Variants in MYO9A observed in about 807,000 individuals in gnomAD.
MYO9A encodes myosin IXA, also known as unconventional myosin-IXa.
MYO9A carries 103 observed loss-of-function variants against 293.3 expected under a neutral mutation model. The ratio of observed to expected loss-of-function variants is 0.35; its 90% CI spans 0.30 to 0.41. The LOEUF is 0.41. Ranked by LOEUF, MYO9A falls within the 10% of genes least tolerant of loss-of-function variation. MYO9A has a pLI of 1.00. For synonymous variants in MYO9A, 1,001 were observed against 1,035.7 expected, an observed-to-expected ratio of 0.97 and a Z score of 0.64; for missense variants, 2,685 against 3,033.0, an observed-to-expected ratio of 0.89 and a Z score of 2.69.
intron 1 of MYO9A, among the ~76,000 whole-genome samples, chr15:72,075,532 A>C (rs1010139014): frequency 3.3e-5 from 5 of 152,070 alleles, no homozygotes; most frequent in Non-Finnish European, 7.4e-5. Context: ...GAAATTCTCA[A>C]GTAAAAAATA....
intron 32 of MYO9A, among the ~76,000 whole-genome samples, chr15:71,869,009 G>A (rs1175339250): frequency 1.3e-5 from 2 of 152,020 alleles, no homozygotes; most frequent in Admixed American, 1.3e-4. Context: ...TAAATAAAAA[G>A]GGAATGCTTG....
chr15:71,925,259 A>T (rs12148076), intron 18 of MYO9A, among the ~76,000 whole-genome samples: 66 of 137,144 alleles, frequency 4.8e-4, no homozygotes, highest in African/African-American at 1.7e-3. Context: ...ACGTATACAC[A>T]TATATACATA....
At chr15:71,830,384 C>G in intron 39 of MYO9A, 73 bp from the exon 40 acceptor site, 1 of 1,399,458 alleles carries the variant, frequency 7.1e-7, no homozygotes, top group South Asian at 1.2e-5. Context: ...TTTAGGATAA[C>G]AAGTGTATTT....
chr15:71,837,541 C>G (rs1431933341), intron 39 of MYO9A, among the ~76,000 whole-genome samples: 2 of 152,026 alleles, frequency 1.3e-5, no homozygotes, highest in East Asian at 3.9e-4. Context: ...TTCCAGTATT[C>G]AATAAAAGAG....
At chr15:71,917,825 AC>A (rs1239027049) in intron 18 of MYO9A, among the ~76,000 whole-genome samples, 2 of 152,188 alleles carry the variant, frequency 1.3e-5, no homozygotes, top group African/African-American at 4.8e-5. Flanking sequence ...TGTGTTAAAA[AC>A]ATGACAAATT....
At position 72,045,726 on chromosome 15, in the gene MYO9A, C is replaced by T; in HGVS notation, c.838G>A (p.Glu280Lys). Residue 280 changes from glutamate to lysine, a missense_variant and splice_region_variant, in exon 2 of 42, where the codon GAG becomes AAG. By Grantham distance (56) the Glu-to-Lys change is moderately conservative (BLOSUM62 1). Transcript: ENST00000356056. Reference protein sequence around the residue: ...QIILGAGPVLEAFGNAKTAHN... With the variant: ...QIILGAGPVLKAFGNAKTAHN... ...AAATAAGATTTCTATATATTTACCT[C>T]AAGTACTGGTCCAGCTCCAAGAATA... The T allele has an allele frequency of 6.3e-7, 1 of 1,580,036 alleles. No individual in the cohort carries two copies. The highest frequency in any genetic ancestry group is 8.6e-7 in the Non-Finnish European group (1 of 1,167,114).
chr15:72,077,719 G>GCA (rs2079400210), intron 1 of MYO9A, among the ~76,000 whole-genome samples: 1 of 120,642 alleles, frequency 8.3e-6, no homozygotes, highest in Non-Finnish European at 1.6e-5. Context: ...AACAGAGTGA[G>GCA]ACTCTGTCTC....
chr15:72,053,224 A>T (rs1344081145), intron 1 of MYO9A, among the ~76,000 whole-genome samples: 1 of 151,908 alleles, frequency 6.6e-6, no homozygotes, highest in Non-Finnish European at 1.5e-5. Context: ...ACATGGTGAA[A>T]CCCTGTCCCT....
intron 1 of MYO9A, among the ~76,000 whole-genome samples, chr15:72,072,367 G>A (rs542809785): frequency 7.9e-5 from 12 of 152,184 alleles, no homozygotes; most frequent in African/African-American, 1.2e-4. Context: ...TCCTGACCTC[G>A]TGATCCACCC....
intron 32 of MYO9A, among the ~76,000 whole-genome samples, chr15:71,873,871 C>T (rs2142180176): frequency 6.6e-6 from 1 of 152,260 alleles, no homozygotes; most frequent in South Asian, 2.1e-4. Flanking sequence ...AGTGCCTAAA[C>T]ATATCTGTTA....
At position 71,917,274 on chromosome 15, in the gene MYO9A, C is replaced by T. The variant is rs546665852; in HGVS notation, c.2563-782G>A. Among the ~76,000 whole-genome samples, 92 of 152,260 alleles carry T rather than the reference C, an allele frequency of 6.0e-4. 2 individuals are homozygous for T. In the South Asian group the frequency reaches 0.018, roughly 30 times the overall value. The stretch of plus-strand genomic sequence containing the variant: ...CAAGTAGGCTGGGCACAGTGGCACA[C>T]GCCTGTAATCCCAGCACTTTGGGAG... On this transcript the variant is annotated intron_variant, in intron 18 of 41. Transcript: ENST00000356056.
chr15:71,892,468 A>G (rs2057205545), intron 26 of MYO9A: 1 of 152,318 alleles, frequency 6.6e-6, no homozygotes, highest in Non-Finnish European at 1.5e-5. Flanking sequence ...AGTAAACTAA[A>G]CCACGGATCA....
At chr15:71,850,227 G>A (rs2055576583) in intron 37 of MYO9A, 60 bp from the exon 38 acceptor site, 1 of 1,582,496 alleles carries the variant, frequency 6.3e-7, no homozygotes, top group Non-Finnish European at 8.7e-7. Context: ...AGCACCATAG[G>A]GAAATAGGCA....
At chr15:72,089,759 C>T (rs181725490) in intron 1 of MYO9A, among the ~76,000 whole-genome samples, 2 of 152,258 alleles carry the variant, frequency 1.3e-5, no homozygotes, top group East Asian at 3.9e-4. Flanking sequence ...CTAGCTTGGA[C>T]AACAGTGTGA....
intron 1 of MYO9A, among the ~76,000 whole-genome samples, chr15:72,083,742 C>T (rs557448733): frequency 7.6e-4 from 115 of 152,202 alleles, no homozygotes; most frequent in African/African-American, 2.6e-3. Context: ...TTGGTTTTTG[C>T]CTTAATTTCA....
At position 71,826,724 on chromosome 15, in the gene MYO9A, T is replaced by C; in HGVS notation, c.7503A>G (p.Lys2501=). 3.7e-6 allele frequency: 6 copies of C among 1,614,150 alleles called. No individual in the cohort carries two copies. Among genetic ancestry groups the C allele is most frequent in the Non-Finnish European group, 5.1e-6 (6 of 1,179,986 alleles). ...GTFNPEKGKQ[K]LKNVKNSPQK... is the part of the protein sequence containing the mutation. ...GAGGTGAGTTTTTCACATTCTTTAA[T>C]TTTTGTTTGCCCTTTTCCGGGTTGA... Residue 2501 remains lysine, a synonymous_variant, in exon 42 of 42, where the codon AAA becomes AAG. Coordinates refer to ENST00000356056, the MANE Select transcript of MYO9A (RefSeq NM_006901.4).
chr15:72,048,801 T>A (rs917223295), intron 1 of MYO9A, among the ~76,000 whole-genome samples: 1 of 152,230 alleles, frequency 6.6e-6, no homozygotes, highest in African/African-American at 2.4e-5. Context: ...CAGATTAATA[T>A]TGGACAGAAC....
chr15:71,981,641 G>GTCTCTCTCTCTCTCTC lies in MYO9A; in HGVS notation c.1723-3365_1723-3350dup, dbSNP rs142432028. Among the ~76,000 whole-genome samples the GTCTCTCTCTCTCTCTC allele has an allele frequency of 2.7e-3, 393 of 144,476 alleles. 2 individuals carry two copies. The highest frequency in any genetic ancestry group is 5.0e-3 in the East Asian group (25 of 4,952). The allele number at this position is 144,476 out of a possible 152,430, so 94.8% of individuals were successfully genotyped here. ...TTATTTATATCCCTCTCTCTGTCTT[G>GTCTCTCTCTCTCTCTC]TCTCTCTCTCTCTCTCTCTCTCTCT... On this transcript the variant is annotated intron_variant, in intron 11 of 41. Coordinates refer to ENST00000356056, the MANE Select transcript of MYO9A (RefSeq NM_006901.4).
intron 11 of MYO9A, among the ~76,000 whole-genome samples, chr15:71,988,507 G>T (rs898458830): frequency 2.6e-5 from 4 of 152,114 alleles, no homozygotes; most frequent in Non-Finnish European, 5.9e-5. Context: ...CAGATTATAT[G>T]TTTAAAACTT....
Sources: allele counts gnomAD v4.1 joint callset (sites outside exome capture counted in the v4.1 genomes callset), GRCh38; gene constraint gnomAD v4.1.1; transcripts MANE v1.5; gene names NCBI Gene and HGNC (gene_info 2026-07-23, HGNC 2026-07-21).